KIF5C: variants seen among roughly 807,000 people sequenced by gnomAD.
The protein encoded by KIF5C is kinesin heavy chain isoform 5C.
KIF5C carries 18 observed loss-of-function variants against 125.2 expected under a neutral mutation model. The observed-to-expected ratio is 0.14, with a 90% CI of 0.10 to 0.21. The LOEUF (loss-of-function observed/expected upper bound fraction) is 0.21, where lower values mean the gene tolerates loss of function less well. Among genes scored for constraint, KIF5C ranks in the 10% least tolerant of loss-of-function variants. The pLI is 1.00. For missense variants in KIF5C, 780 were observed against 1,183.8 expected, an observed-to-expected ratio of 0.66 and a Z score of 5.01; for synonymous variants, 405 against 434.0, an observed-to-expected ratio of 0.93 and a Z score of 0.83.
chr2:148,994,614 T>G, intron 17 of KIF5C, 76 bp downstream of exon 17: 1 of 1,488,242 alleles, frequency 6.7e-7, no homozygotes, highest in South Asian at 1.3e-5. Flanking sequence ...GGAATCATGA[T>G]GTTTAGTTTC....
chr2:149,008,090 C>T (rs1183725733), intron 23 of KIF5C, 23 bp downstream of exon 23: 2 of 1,590,690 alleles, frequency 1.3e-6, no homozygotes, highest in Non-Finnish European at 1.7e-6. Flanking sequence ...TGCCCGCTCC[C>T]CTCTGATTCC....
At chr2:149,008,994 T>G (rs1227459201) in intron 23 of KIF5C, among the ~76,000 whole-genome samples, 2,264 of 142,540 alleles carry the variant, frequency 0.016, 57 homozygotes, top group African/African-American at 0.059. Context: ...TTTTAATGTT[T>G]TTTTTTTTTT....
At position 148,983,634 on chromosome 2, in the gene KIF5C, C is replaced by T. The variant is rs1322695766; in HGVS notation, c.1584C>T (p.Thr528=). ...ELAQKTTTLT[T]TQRELSQLQE... ...TTGTTTTTCAGACTACATTGACAACCACACAGAGAGAGCTGAGCCAGCTAC... is the reference window on the plus strand; with the variant it reads ...TTGTTTTTCAGACTACATTGACAACTACACAGAGAGAGCTGAGCCAGCTAC... Residue 528 remains threonine (T), a synonymous_variant, in exon 15 of 26, where the codon ACC becomes ACT. Coordinates refer to ENST00000435030, the MANE Select transcript of KIF5C (RefSeq NM_004522.3). The T allele has an allele frequency of 3.2e-6, 5 of 1,585,210 alleles. No individual in the cohort carries two copies. The Admixed American group carries it at 7.2e-5, about 23-fold the overall frequency.
intron 25 of KIF5C, among the ~76,000 whole-genome samples, chr2:149,016,090 A>G (rs1682348308): frequency 2.0e-5 from 3 of 152,342 alleles, no homozygotes; most frequent in Non-Finnish European, 2.9e-5. Flanking sequence ...AAAGGTAGGA[A>G]TGAATGAGGG....
intron 8 of KIF5C, chr2:148,947,529 T>C (rs554671450): frequency 8.8e-5 from 18 of 203,884 alleles, no homozygotes; most frequent in East Asian, 1.4e-4. Flanking sequence ...CGGTGTCCCA[T>C]GTGGAAGGCC....
At chr2:148,891,386 CT>C (rs1019765006) in intron 1 of KIF5C, among the ~76,000 whole-genome samples, 200 of 146,776 alleles carry the variant, frequency 1.4e-3, no homozygotes, top group African/African-American at 3.1e-3. Context: ...ATTGCTTCTT[CT>C]TTTTTTTTTT....
chr2:148,930,339 T>G (rs955584966), intron 3 of KIF5C, among the ~76,000 whole-genome samples: 1 of 151,988 alleles, frequency 6.6e-6, no homozygotes, highest in Admixed American at 6.5e-5. Context: ...TTTTTTTTTT[T>G]TCTTTAAATC....
intron 12 of KIF5C, among the ~76,000 whole-genome samples, chr2:148,975,700 C>T (rs561296917): frequency 6.6e-6 from 1 of 152,344 alleles, no homozygotes; most frequent in South Asian, 2.1e-4. Context: ...CAAGGCTATG[C>T]TGTGTGATGG....
At chr2:148,958,427 A>C (rs946730712) in intron 10 of KIF5C, among the ~76,000 whole-genome samples, 1 of 152,166 alleles carries the variant, frequency 6.6e-6, no homozygotes, top group Non-Finnish European at 1.5e-5. Flanking sequence ...GCATTCCCTG[A>C]AGGCTAATGA....
intron 21 of KIF5C, 145 bp from the exon 22 acceptor site, chr2:149,005,248 T>G: frequency 7.6e-7 from 1 of 1,319,846 alleles, no homozygotes; most frequent in Non-Finnish European, 1.0e-6. Context: ...GTGGGCATGG[T>G]CAGGGTGGGG....
At chr2:148,895,188 G>A (rs1681807002) in intron 1 of KIF5C, among the ~76,000 whole-genome samples, 1 of 152,096 alleles carries the variant, frequency 6.6e-6, no homozygotes, top group South Asian at 2.1e-4. Context: ...CCAGGCTGGA[G>A]TGCAATGGAG....
chr2:148,899,188 T>G (rs922320736), intron 1 of KIF5C, among the ~76,000 whole-genome samples: 3 of 152,170 alleles, frequency 2.0e-5, no homozygotes, highest in East Asian at 1.9e-4. Flanking sequence ...TTTAATCTTA[T>G]TTTTTTAAGA....
chr2:148,888,266 T>G (rs1182951159), intron 1 of KIF5C: 1 of 152,200 alleles, frequency 6.6e-6, no homozygotes, highest in Non-Finnish European at 1.5e-5. Context: ...AGCGACGCCG[T>G]GATGCAAATC....
At chr2:148,942,337 G>A (rs1682427865) in intron 6 of KIF5C, among the ~76,000 whole-genome samples, 1 of 152,108 alleles carries the variant, frequency 6.6e-6, no homozygotes, top group African/African-American at 2.4e-5. Flanking sequence ...AGAAGGCAAA[G>A]CAAAACTTCA....
At chr2:148,932,374 A>C (rs1682201088) in intron 3 of KIF5C, among the ~76,000 whole-genome samples, 2 of 152,220 alleles carry the variant, frequency 1.3e-5, no homozygotes, top group African/African-American at 4.8e-5. Context: ...GAACAAACAG[A>C]CAAGCCTACA....
At chr2:148,957,592 TAAA>T (rs201033625) in intron 10 of KIF5C, among the ~76,000 whole-genome samples, 3,637 of 71,514 alleles carry the variant, frequency 0.051, 132 homozygotes, top group African/African-American at 0.13. Flanking sequence ...TTTGTTCTAG[TAAA>T]AAAAAAAAAA....
At chr2:148,932,345 C>T (rs976900177) in intron 3 of KIF5C, among the ~76,000 whole-genome samples, 2 of 152,174 alleles carry the variant, frequency 1.3e-5, no homozygotes, top group Non-Finnish European at 2.9e-5. Context: ...GTGGTGATTC[C>T]ATTACCTTGT....
chr2:148,928,814 G>A (rs1353992606), intron 2 of KIF5C, among the ~76,000 whole-genome samples: 3 of 152,142 alleles, frequency 2.0e-5, no homozygotes, highest in Non-Finnish European at 4.4e-5. Context: ...GGGGCTTTCA[G>A]GAGAAACCTC....
In KIF5C at chr2:148,978,919, C is replaced by T; in HGVS notation, c.1294-3C>T. On this transcript the variant is annotated splice_region_variant and splice_polypyrimidine_tract_variant and intron_variant, in intron 12 of 25. Coordinates refer to ENST00000435030, the MANE Select transcript of KIF5C (RefSeq NM_004522.3). ...AAAAAACAAACATGATGTTTCGTTTCAGGATGATGAAATTAACCAGCAGAG... is the reference window on the plus strand; with the variant it reads ...AAAAAACAAACATGATGTTTCGTTTTAGGATGATGAAATTAACCAGCAGAG... 1 of 1,592,328 alleles carries T rather than the reference C, an allele frequency of 6.3e-7. No individual in the cohort carries two copies. The highest frequency in any genetic ancestry group is 8.5e-7 in the Non-Finnish European group (1 of 1,170,126).
Sources: gnomAD v4.1 joint callset for allele counts (sites outside exome capture counted in the v4.1 genomes callset) on GRCh38, gnomAD v4.1.1 for gene constraint, MANE v1.5 for transcripts, NCBI Gene and HGNC (gene_info 2026-07-23, HGNC 2026-07-21) for gene names.